Variants in DMD observed in about 807,000 individuals in gnomAD.
The protein encoded by DMD is mutant dystrophin.
In DMD, 63 loss-of-function variants were observed where a neutral mutation model predicts 330.1. That is an observed-to-expected ratio of 0.19 (90% CI 0.16 to 0.24). The LOEUF is 0.24. Ranked by LOEUF, DMD falls within the 10% of genes least tolerant of loss-of-function variation. The pLI is 1.00. For synonymous variants in DMD, 1,223 were observed against 959.8 expected, an observed-to-expected ratio of 1.27 and a Z score of -5.07; for missense variants, 3,344 against 2,684.1, an observed-to-expected ratio of 1.25 and a Z score of -5.43.
rs143499507 is a variant in DMD, at chrX:32,125,460, T to A, written c.6438+91456A>T. Among the ~76,000 whole-genome samples the A allele has an allele frequency of 3.0e-3, 334 of 111,760 alleles. 1 individual carries two copies. The highest frequency in any genetic ancestry group is 4.7e-3 in the Non-Finnish European group (252 of 53,122). On this transcript the variant is annotated intron_variant, in intron 44 of 78. Coordinates refer to ENST00000357033, the MANE Select transcript of DMD (RefSeq NM_004006.3). ...GGACAAGGTCGAACATTCAGTTTGG[T>A]CCTTGTTGAGTCTGAGTTGCCTCTG...
At chrX:32,592,330 G>A (rs808552) in intron 13 of DMD, among the ~76,000 whole-genome samples, 37,810 of 109,049 alleles carry the variant, frequency 0.35, 4,839 homozygotes, top group South Asian at 0.58. Context: ...CCTCCCTTCC[G>A]AGCCCATAAA....
intron 44 of DMD, among the ~76,000 whole-genome samples, chrX:32,160,782 G>A (rs2096846751): frequency 9.0e-6 from 1 of 111,358 alleles, no homozygotes; most frequent in Non-Finnish European, 1.9e-5. Context: ...TTGACCCACA[G>A]TACAAGTTAT....
intron 6 of DMD, among the ~76,000 whole-genome samples, chrX:32,814,151 G>A (rs1237989590): frequency 1.8e-5 from 2 of 111,852 alleles, no homozygotes; most frequent in African/African-American, 3.2e-5. Context: ...GTGTTCATTT[G>A]CTTCTAATTT....
At chrX:31,520,457 A>G (rs1477097512) in intron 55 of DMD, among the ~76,000 whole-genome samples, 1 of 111,551 alleles carries the variant, frequency 9.0e-6, no homozygotes, top group Non-Finnish European at 1.9e-5. Flanking sequence ...CCCCAGCCAC[A>G]CAGAACTGTG....
chrX:32,014,468 A>T (rs1329297004), intron 44 of DMD, among the ~76,000 whole-genome samples: 1 of 111,485 alleles, frequency 9.0e-6, no homozygotes, highest in East Asian at 2.8e-4. Context: ...GACAAATATG[A>T]GCCTTCGGTA....
At chrX:33,118,726 A>C (rs1273793756) in intron 1 of DMD, among the ~76,000 whole-genome samples, 1 of 112,189 alleles carries the variant, frequency 8.9e-6, no homozygotes, top group Non-Finnish European at 1.9e-5. Flanking sequence ...GTCCCTTGGA[A>C]TTAGCCTAGC....
At chrX:32,615,260 T>G (rs113873185) in intron 11 of DMD, among the ~76,000 whole-genome samples, 1,462 of 111,285 alleles carry the variant, frequency 0.013, 22 homozygotes, top group African/African-American at 0.044. Context: ...AAAGGGTGCT[T>G]TTTCCCCACA....
At chrX:32,189,370 C>CAAA (rs201007036) in intron 44 of DMD, among the ~76,000 whole-genome samples, 35 of 82,019 alleles carry the variant, frequency 4.3e-4, no homozygotes, top group African/African-American at 1.4e-3. Context: ...CAGCAAACTA[C>CAAA]AAAAAAAAAA....
chrX:31,601,747 TTCCCAAA>T (rs1196910309), intron 55 of DMD, among the ~76,000 whole-genome samples: 1 of 111,771 alleles, frequency 8.9e-6, no homozygotes, highest in Non-Finnish European at 1.9e-5. Context: ...AAAATAAATT[TTCCCAAA>T]TACTGCTCTT....
At position 32,074,518 on chromosome X, in the gene DMD, G is replaced by A. The variant is rs2096327073; in HGVS notation, c.6439-106004C>T. Among the ~76,000 whole-genome samples the A allele has an allele frequency of 3.6e-5, 4 of 111,700 alleles. No homozygotes were observed. In the South Asian group the frequency reaches 1.5e-3, roughly 42 times the overall value. On this transcript the variant is annotated intron_variant, in intron 44 of 78. Transcript: ENST00000357033. Reference sequence around the variant, plus strand: ...AATGGGATTTACATATTAAATGGTTGGGGAGAAATCAAAAGAATAATACAA... The same window carrying A: ...AATGGGATTTACATATTAAATGGTTAGGGAGAAATCAAAAGAATAATACAA...
chrX:33,270,291 T>C (rs1384294636), intron 1 of DMD, among the ~76,000 whole-genome samples: 2 of 109,955 alleles, frequency 1.8e-5, no homozygotes, highest in African/African-American at 6.7e-5. Flanking sequence ...AAATTGTAGC[T>C]GTGAGTAAAG....
intron 60 of DMD, among the ~76,000 whole-genome samples, chrX:31,404,577 G>A (rs180905000): frequency 2.2e-4 from 25 of 111,959 alleles, no homozygotes; most frequent in East Asian, 2.8e-4. Flanking sequence ...GCTGAATGTC[G>A]AAGAATTATA....
At chrX:31,882,319 A>G (rs1490547122) in intron 47 of DMD, among the ~76,000 whole-genome samples, 1 of 112,050 alleles carries the variant, frequency 8.9e-6, no homozygotes, top group Non-Finnish European at 1.9e-5. Flanking sequence ...TTCAGTAAAT[A>G]GCACCAAGTT....
chrX:31,889,647 T>TCTCTCTCACA (rs796563415), intron 47 of DMD, among the ~76,000 whole-genome samples: 3 of 71,615 alleles, frequency 4.2e-5, no homozygotes, highest in African/African-American at 1.7e-4. Flanking sequence ...TCTCTCTCTC[T>TCTCTCTCACA]CACACACACA....
intron 43 of DMD, among the ~76,000 whole-genome samples, chrX:32,233,648 T>TTTATTTA (rs1338254361): frequency 9.8e-6 from 1 of 102,364 alleles, no homozygotes; most frequent in Admixed American, 1.0e-4. Context: ...TATTTATTTA[T>TTTATTTA]TGAGACGGAG....
chrX:33,061,966 T>A (rs1482801307), intron 1 of DMD, among the ~76,000 whole-genome samples: 3 of 112,101 alleles, frequency 2.7e-5, no homozygotes, highest in African/African-American at 9.7e-5. Flanking sequence ...AATACTGATA[T>A]GTAACAAAAA....
At chrX:31,211,448 G>C (rs992098789) in intron 64 of DMD, among the ~76,000 whole-genome samples, 2 of 112,203 alleles carry the variant, frequency 1.8e-5, no homozygotes, top group African/African-American at 6.5e-5. Flanking sequence ...GCTATGGGTG[G>C]TTTGAAGTTT....
rs189810239 is a variant in DMD at position 31,359,254 on chromosome X, T to A, written c.9085-10620A>T. 5.5e-3 allele frequency among the ~76,000 whole-genome samples: 624 copies of A among 112,569 alleles called. 5 individuals carry two copies. Among genetic ancestry groups the A allele is most frequent in the African/African-American group, 0.019 (578 of 31,062 alleles). ...AATTTGACAGTGTATCACAACTATT[T>A]GAGAACTTTTCAAAAAAATACAGAT... On this transcript the variant is annotated intron_variant, in intron 60 of 78. Coordinates refer to ENST00000357033, the MANE Select transcript of DMD (RefSeq NM_004006.3).
intron 9 of DMD, among the ~76,000 whole-genome samples, chrX:32,684,632 G>A (rs902018663): frequency 4.5e-5 from 5 of 111,308 alleles, no homozygotes; most frequent in African/African-American, 1.6e-4. Context: ...AAAATTATCA[G>A]TATTATCACT....
Sources: allele counts gnomAD v4.1 joint callset (sites outside exome capture counted in the v4.1 genomes callset), GRCh38; gene constraint gnomAD v4.1.1; transcripts MANE v1.5; gene names NCBI Gene and HGNC (gene_info 2026-07-23, HGNC 2026-07-21).